STAMBPL1: variants seen among roughly 807,000 people sequenced by gnomAD.
The protein encoded by STAMBPL1 is STAM binding protein like 1.
In STAMBPL1, 44 loss-of-function variants were observed where a neutral mutation model predicts 52.9. That is an observed-to-expected ratio of 0.83 (90% CI 0.65 to 1.07). The LOEUF is 1.07. Ranked by LOEUF, STAMBPL1 falls within the 50% of genes least tolerant of loss-of-function variation. STAMBPL1 has a pLI of 0.00. For missense variants in STAMBPL1, 511 were observed against 520.8 expected (o/e 0.98, Z 0.18); for synonymous variants, 164 against 177.3 (o/e 0.92, Z 0.60).
intron 1 of STAMBPL1, among the ~76,000 whole-genome samples, chr10:88,889,614 C>T (rs1385359632): frequency 2.6e-5 from 4 of 152,114 alleles, no homozygotes; most frequent in Non-Finnish European, 4.4e-5. Flanking sequence ...ACTATTCAAG[C>T]ATTTACAGAA....
intron 1 of STAMBPL1, chr10:88,894,052 C>G (rs1844751229): frequency 6.6e-6 from 1 of 152,138 alleles, no homozygotes; most frequent in South Asian, 2.1e-4. Context: ...AAATGGAAAT[C>G]ATGGTCGTAA....
At chr10:88,906,496 A>AT (rs1279574974) in intron 3 of STAMBPL1, among the ~76,000 whole-genome samples, 2 of 152,170 alleles carry the variant, frequency 1.3e-5, no homozygotes, top group African/African-American at 4.8e-5. Context: ...TATTAATTTT[A>AT]TTTAAGTTGA....
intron 1 of STAMBPL1, among the ~76,000 whole-genome samples, chr10:88,888,130 C>G (rs1342174566): frequency 6.6e-6 from 1 of 152,094 alleles, no homozygotes; most frequent in Non-Finnish European, 1.5e-5. Flanking sequence ...AGATAATGTA[C>G]ATTCTTCTGA....
chr10:88,884,931 C>T (rs1236972569), intron 1 of STAMBPL1, among the ~76,000 whole-genome samples: 1 of 152,152 alleles, frequency 6.6e-6, no homozygotes, highest in Non-Finnish European at 1.5e-5. Context: ...GTTTCTATCT[C>T]AGAAGGTTTT....
chr10:88,908,150 T>A (rs1845121592), intron 3 of STAMBPL1, among the ~76,000 whole-genome samples: 1 of 152,238 alleles, frequency 6.6e-6, no homozygotes, highest in Non-Finnish European at 1.5e-5. Context: ...TGCTGCTGTC[T>A]CTTGTTCCTC....
chr10:88,894,354 T>C (rs1312147372), intron 1 of STAMBPL1, among the ~76,000 whole-genome samples: 1 of 149,470 alleles, frequency 6.7e-6, no homozygotes, highest in Non-Finnish European at 1.5e-5. Context: ...TAATGGTACC[T>C]ATTGTTTTAT....
chr10:88,919,761 T>A (rs1303280177), intron 8 of STAMBPL1, among the ~76,000 whole-genome samples: 5 of 152,112 alleles, frequency 3.3e-5, no homozygotes, highest in African/African-American at 4.8e-5. Flanking sequence ...ATTTTTTCCT[T>A]GCAGAACATG....
chr10:88,913,498 A>G, intron 6 of STAMBPL1, 40 bp downstream of exon 6: 1 of 1,526,294 alleles, frequency 6.6e-7, no homozygotes. Context: ...ACTGAGCCTC[A>G]TCGGATGGAA....
At chr10:88,905,867 G>A (rs1404933487) in intron 3 of STAMBPL1, among the ~76,000 whole-genome samples, 3 of 152,136 alleles carry the variant, frequency 2.0e-5, no homozygotes, top group African/African-American at 7.2e-5. Context: ...GGTCAGGGAG[G>A]GCAGGAGGCT....
chr10:88,920,625 A>T (rs1435452445), intron 8 of STAMBPL1, among the ~76,000 whole-genome samples: 1 of 152,182 alleles, frequency 6.6e-6, no homozygotes, highest in Non-Finnish European at 1.5e-5. Context: ...ACACATTTGT[A>T]TATAGCCAGA....
chr10:88,922,342 G>A lies in STAMBPL1; in HGVS notation c.1160G>A (p.Gly387Asp). 1 of 1,612,996 alleles carries A rather than the reference G, an allele frequency of 6.2e-7. No individual in the cohort carries two copies. The highest frequency in any genetic ancestry group is 8.5e-7 in the Non-Finnish European group (1 of 1,179,498). Reference protein sequence around the residue: ...IVCSPKHKDTGIFRLTNAGML... With the variant: ...IVCSPKHKDTDIFRLTNAGML... ...GTTTTTGCTCTGAAATTTAGCACTG[G>A]CATCTTCAGGCTCACCAATGCTGGC... The change falls in exon 10 of 11, where the codon GGC becomes GAC. Residue 387 changes from glycine to aspartate, a missense_variant. Physicochemically the swap from Gly to Asp is moderately conservative, Grantham distance 94 (BLOSUM62 -1). Around this residue, in one of 3 missense-constraint regions of STAMBPL1, gnomAD observed 137 missense variants for 139.9 expected, o/e 0.98. Coordinates refer to ENST00000371926, the MANE Select transcript of STAMBPL1 (RefSeq NM_020799.4).
chr10:88,914,347 C>T (rs1047968702), intron 6 of STAMBPL1, among the ~76,000 whole-genome samples, 187 bp from the exon 7 acceptor site: 1 of 151,984 alleles, frequency 6.6e-6, no homozygotes, highest in Admixed American at 6.6e-5. Flanking sequence ...AATTTATATA[C>T]ATAATTTAAT....
Position 88,919,959 on chromosome 10 carries a change from C to G in STAMBPL1, c.1042-1324C>G, listed in dbSNP as rs560875652. 6.6e-5 allele frequency among the ~76,000 whole-genome samples: 10 copies of G among 152,138 alleles called. 1 individual carries two copies. The highest frequency in any genetic ancestry group is 4.2e-4 in the South Asian group (2 of 4,818). ...CAAGCGCTCCTCTCACCTCAGCCCC[C>G]TCAAGTAGTTGAGACTACAGGCACA... On this transcript the variant is annotated intron_variant, in intron 8 of 10. Transcript: ENST00000371926.
Position 88,905,482 on chromosome 10 carries a change from C to T in STAMBPL1, c.70C>T (p.Leu24=), listed in dbSNP as rs1377258340. 2 of 1,614,106 alleles carry T rather than the reference C, an allele frequency of 1.2e-6. No homozygotes were observed. Residue 24 remains leucine, a synonymous_variant, in exon 3 of 11, where the codon CTA becomes TTA. Coordinates refer to ENST00000371926, the MANE Select transcript of STAMBPL1 (RefSeq NM_020799.4). ...AAMPDHTDVS[L]SPEERVRALS... is the part of the protein sequence containing the mutation. ...TATGCCTGACCATACAGATGTTTCCCTAAGCCCAGAAGAGCGAGTCCGTGC... is the reference window on the plus strand; with the variant it reads ...TATGCCTGACCATACAGATGTTTCCTTAAGCCCAGAAGAGCGAGTCCGTGC...
At chr10:88,904,750 A>G (rs1845030252) in intron 2 of STAMBPL1, among the ~76,000 whole-genome samples, 1 of 152,220 alleles carries the variant, frequency 6.6e-6, no homozygotes, top group South Asian at 2.1e-4. Flanking sequence ...TCAAATTGCT[A>G]TCACTGACAT....
intron 5 of STAMBPL1, among the ~76,000 whole-genome samples, 186 bp downstream of exon 5, chr10:88,911,197 G>GTA (rs746092399): frequency 7.2e-5 from 11 of 152,148 alleles, no homozygotes; most frequent in Non-Finnish European, 1.5e-4. Flanking sequence ...CAACAATGTG[G>GTA]TATTTCTATT....
intron 1 of STAMBPL1, among the ~76,000 whole-genome samples, chr10:88,888,970 G>C (rs936944788): frequency 5.9e-5 from 9 of 152,142 alleles, no homozygotes; most frequent in African/African-American, 1.7e-4. Context: ...TTCCAGACTT[G>C]TTTCTTAAAA....
At chr10:88,882,771 G>C (rs1417237017) in intron 1 of STAMBPL1, 1 of 152,196 alleles carries the variant, frequency 6.6e-6, no homozygotes, top group East Asian at 1.9e-4. Context: ...TATCCCTGAA[G>C]ATATTAGAGC....
intron 4 of STAMBPL1, 87 bp downstream of exon 4, chr10:88,908,864 CTT>C: frequency 8.9e-7 from 1 of 1,125,360 alleles, no homozygotes; most frequent in Non-Finnish European, 1.2e-6. Flanking sequence ...TCCCCTTTCT[CTT>C]TCTCTTGAGA....
Sources: allele counts gnomAD v4.1 joint callset (sites outside exome capture counted in the v4.1 genomes callset), GRCh38; gene constraint gnomAD v4.1.1; regional missense constraint gnomAD v4.1.1; transcripts MANE v1.5; gene names NCBI Gene and HGNC (gene_info 2026-07-23, HGNC 2026-07-21).